The following EMILIN2 variants were observed in gnomAD, a reference collection of about 807,000 sequenced individuals.
The protein encoded by EMILIN2 is elastin microfibril interfacer 2, also known as EMILIN-2.
Under a neutral mutation model 87.1 loss-of-function variants are expected in EMILIN2, and 71 were observed. That is an observed-to-expected ratio of 0.82 (90% CI 0.67 to 0.99). The LOEUF is 0.99. Ranked by LOEUF, EMILIN2 falls within the 50% of genes least tolerant of loss-of-function variation. EMILIN2 has a pLI of 0.00. For synonymous variants in EMILIN2, 581 were observed against 563.4 expected, an observed-to-expected ratio of 1.03 and a Z score of -0.44; for missense variants, 1,407 against 1,371.8, an observed-to-expected ratio of 1.03 and a Z score of -0.40.
At chr18:2,905,594 C>A (rs1245207076) in intron 4 of EMILIN2, among the ~76,000 whole-genome samples, 5 of 151,908 alleles carry the variant, frequency 3.3e-5, no homozygotes, top group African/African-American at 1.2e-4. Context: ...CTCTGTCTAA[C>A]TATATTTTTG....
At chr18:2,867,001 A>T (rs2076689533) in intron 2 of EMILIN2, among the ~76,000 whole-genome samples, 1 of 152,188 alleles carries the variant, frequency 6.6e-6, no homozygotes, top group African/African-American at 2.4e-5. Context: ...TATCACATTT[A>T]TTGACTTGCA....
rs1376745451 is a variant in EMILIN2 at position 2,894,869 on chromosome 18, G to A, written c.2359+2383G>A. On this transcript the variant is annotated intron_variant, in intron 4 of 7. Coordinates refer to ENST00000254528, the MANE Select transcript of EMILIN2 (RefSeq NM_032048.3). The surrounding 1 kb of genome is among the most constrained non-coding windows in gnomAD (Gnocchi z 5.0). ...GCTAAGGTCACAATGAAAGTGACAT[G>A]TCAATCAGTTAAAAGTCAACAGAAT... 6.6e-6 allele frequency among the ~76,000 whole-genome samples: 1 copy of A among 152,186 alleles called. No homozygotes were observed. The highest frequency in any genetic ancestry group is 1.5e-5 in the Non-Finnish European group (1 of 68,034).
chr18:2,900,399 G>A (rs2076883394), intron 4 of EMILIN2, among the ~76,000 whole-genome samples: 1 of 152,140 alleles, frequency 6.6e-6, no homozygotes, highest in African/African-American at 2.4e-5. Context: ...ATGTTGAAAG[G>A]CTGGTCTTGA....
At chr18:2,867,710 C>T (rs1210161555) in intron 2 of EMILIN2, among the ~76,000 whole-genome samples, 2 of 152,242 alleles carry the variant, frequency 1.3e-5, no homozygotes, top group Admixed American at 6.5e-5. Flanking sequence ...AATAACTTTT[C>T]TTAGTACAGA....
intron 3 of EMILIN2, among the ~76,000 whole-genome samples, chr18:2,887,506 A>T (rs368428547): frequency 7.2e-6 from 1 of 138,480 alleles, no homozygotes; most frequent in Non-Finnish European, 1.6e-5. Flanking sequence ...TTAGTACACG[A>T]GAGCTGGTTG....
At chr18:2,846,906 G>T, upstream of EMILIN2, 1 of 989,782 alleles carries the variant, frequency 1.0e-6, no homozygotes. This position sits in a 1 kb window ranked among gnomAD's most constrained non-coding sequence, Gnocchi z 5.3. Context: ...TGGGGGGAGA[G>T]TCACGTTTCG....
chr18:2,883,606 G>A (rs1022756144), intron 2 of EMILIN2, among the ~76,000 whole-genome samples: 3 of 152,204 alleles, frequency 2.0e-5, no homozygotes, highest in African/African-American at 7.2e-5. Context: ...TGAACTCCTG[G>A]CTCCTTCCCT....
At position 2,891,285 on chromosome 18, in the gene EMILIN2, G is replaced by A; in HGVS notation, c.1158G>A (p.Arg386=). ...AAGAAATAAATAACCTCCGAGCCCG[G>A]CTACAGGAGCCTTCAGCCCAGGCAA... ...LRKEINNLRA[R]LQEPSAQANC... The change falls in exon 4 of 8, where the codon CGG becomes CGA. Residue 386 remains arginine, a synonymous_variant. Coordinates refer to ENST00000254528, the MANE Select transcript of EMILIN2 (RefSeq NM_032048.3). The surrounding 1 kb of genome is among the most constrained non-coding windows in gnomAD (Gnocchi z 4.6). The A allele has an allele frequency of 6.2e-7, 1 of 1,614,170 alleles. No homozygotes were observed. Among genetic ancestry groups the A allele is most frequent in the Non-Finnish European group, 8.5e-7 (1 of 1,180,030 alleles).
intron 2 of EMILIN2, among the ~76,000 whole-genome samples, chr18:2,860,595 C>T (rs1223112982): frequency 6.6e-6 from 1 of 152,174 alleles, no homozygotes; most frequent in African/African-American, 2.4e-5. Flanking sequence ...GTATAGTATT[C>T]CATGGTGTAT....
intron 2 of EMILIN2, among the ~76,000 whole-genome samples, chr18:2,883,816 T>C (rs2076789120): frequency 6.6e-6 from 1 of 152,220 alleles, no homozygotes; most frequent in Non-Finnish European, 1.5e-5. Flanking sequence ...AACCAGGGCA[T>C]CTTTGTAAAA....
At chr18:2,871,790 T>G (rs966773962) in intron 2 of EMILIN2, among the ~76,000 whole-genome samples, 1 of 152,250 alleles carries the variant, frequency 6.6e-6, no homozygotes, top group Non-Finnish European at 1.5e-5. Context: ...TAACCCTTCA[T>G]GTGGGCAATG....
chr18:2,906,791 T>G lies in EMILIN2; in HGVS notation c.2368T>G (p.Ser790Ala). The part of the protein sequence containing the change: ...VKFQPSAKAP[S>A]PPPPAEAPKE... Reference sequence around the variant, plus strand: ...TCCCCGACGCCCGGCAGAGGCGCCCTCGCCCCCGCCGCCCGCAGAGGCCCC... The same window carrying G: ...TCCCCGACGCCCGGCAGAGGCGCCCGCGCCCCCGCCGCCCGCAGAGGCCCC... Residue 790 changes from serine to alanine, a missense_variant, in exon 5 of 8, where the codon TCG (serine) becomes GCG (alanine). By Grantham distance (99) the Ser-to-Ala change is moderately conservative. Coordinates refer to ENST00000254528, the MANE Select transcript of EMILIN2 (RefSeq NM_032048.3). The G allele has an allele frequency of 7.9e-7, 1 of 1,263,698 alleles. No individual in the cohort carries two copies. The highest frequency in any genetic ancestry group is 1.6e-5 in the African/African-American group (1 of 62,874). 78.3% of individuals were successfully genotyped at this position (1,263,698 alleles called of 1,614,324 possible). A position where few individuals can be genotyped will look rare whatever the true frequency, so the allele number is the denominator to read the frequency against.
At position 2,907,506 on chromosome 18, in the gene EMILIN2, G is replaced by C. The variant is rs1012404291; in HGVS notation, c.2662+421G>C. ...TGGGGCAGCTTCCTGAGCTCTCTGA[G>C]CTGCAGTTCCTTCAACCACAAAATG... On this transcript the variant is annotated intron_variant, in intron 5 of 7. Transcript: ENST00000254528. Among the ~76,000 whole-genome samples the C allele has an allele frequency of 1.8e-4, 27 of 152,364 alleles. 1 individual carries two copies. The highest frequency in any genetic ancestry group is 1.6e-4 in the Non-Finnish European group (11 of 68,036).
intron 4 of EMILIN2, among the ~76,000 whole-genome samples, chr18:2,899,286 G>A (rs545731651): frequency 3.3e-5 from 5 of 152,288 alleles, no homozygotes; most frequent in South Asian, 2.1e-4. Context: ...GAGGAGGTGG[G>A]GGGGAGGGAG....
rs981180000 is a variant in EMILIN2 at position 2,854,574 on chromosome 18, C to T, written c.257+6643C>T. The stretch of plus-strand genomic sequence containing the variant: ...TTGGGAGGCTGAGGCAAGAGGATCG[C>T]TTGAACCCAGGAGTTCAAGACCAGC... On this transcript the variant is annotated intron_variant, in intron 2 of 7. Transcript: ENST00000254528. Among the ~76,000 whole-genome samples the T allele has an allele frequency of 1.1e-4, 16 of 152,188 alleles. 1 individual carries two copies. Among genetic ancestry groups the T allele is most frequent in the Admixed American group, 1.0e-3 (16 of 15,280 alleles).
At chr18:2,897,888 A>C (rs1224998421) in intron 4 of EMILIN2, among the ~76,000 whole-genome samples, 3 of 150,740 alleles carry the variant, frequency 2.0e-5, no homozygotes, top group Admixed American at 2.0e-4. Flanking sequence ...AAGCCTAGAG[A>C]TCTCCCTTTT....
chr18:2,853,357 C>T (rs918879809), intron 2 of EMILIN2, among the ~76,000 whole-genome samples: 9 of 152,084 alleles, frequency 5.9e-5, no homozygotes, highest in East Asian at 3.9e-4. Flanking sequence ...GTGTGGTGGA[C>T]GCAGCCTCTG....
At chr18:2,884,412 A>C (rs939718559) in intron 2 of EMILIN2, among the ~76,000 whole-genome samples, 2 of 83,604 alleles carry the variant, frequency 2.4e-5, no homozygotes, top group East Asian at 4.4e-4. Context: ...CACCTGGCTA[A>C]GTTTCGTATT....
At chr18:2,883,897 A>G (rs574589303) in intron 2 of EMILIN2, among the ~76,000 whole-genome samples, 1 of 152,204 alleles carries the variant, frequency 6.6e-6, no homozygotes, top group Non-Finnish European at 1.5e-5. Flanking sequence ...CAGGAAAGGG[A>G]GGTGCAGCGG....
Sources: allele counts gnomAD v4.1 joint callset (sites outside exome capture counted in the v4.1 genomes callset), GRCh38; gene constraint gnomAD v4.1.1; non-coding constraint Gnocchi (gnomAD v3.1); transcripts MANE v1.5; gene names NCBI Gene and HGNC (gene_info 2026-07-23, HGNC 2026-07-21).